AUTS2: variants seen among roughly 807,000 people sequenced by gnomAD.
AUTS2 encodes autism susceptibility gene 2 protein.
Under a neutral mutation model 112.4 loss-of-function variants are expected in AUTS2, and 17 were observed. That is an observed-to-expected ratio of 0.15 (90% CI 0.10 to 0.23). The LOEUF (loss-of-function observed/expected upper bound fraction) is 0.23, where lower values mean the gene tolerates loss of function less well. Ranked by LOEUF, AUTS2 falls within the 10% of genes least tolerant of loss-of-function variation. The probability of loss-of-function intolerance (pLI) is 1.00; values close to 1 mark genes in which losing one functional copy is unlikely to be tolerated. For missense variants in AUTS2, 1,510 were observed against 1,701.6 expected, an observed-to-expected ratio of 0.89 and a Z score of 1.98; for synonymous variants, 751 against 702.7, an observed-to-expected ratio of 1.07 and a Z score of -1.09.
At chr7:70,728,707 CAAAAAAAA>C (rs55878540) in intron 6 of AUTS2, among the ~76,000 whole-genome samples, 2 of 81,626 alleles carry the variant, frequency 2.5e-5, no homozygotes, top group Non-Finnish European at 4.7e-5. Flanking sequence ...GACTCTGTCT[CAAAAAAAA>C]AAAAAAAAAA....
intron 1 of AUTS2, among the ~76,000 whole-genome samples, chr7:69,702,739 T>C (rs1338383714): frequency 6.6e-6 from 1 of 152,120 alleles, no homozygotes; most frequent in Non-Finnish European, 1.5e-5. Flanking sequence ...GAATCTCCAG[T>C]GGGTGCAGTT....
At chr7:70,472,169 C>T (rs1797410063) in intron 5 of AUTS2, among the ~76,000 whole-genome samples, 1 of 152,182 alleles carries the variant, frequency 6.6e-6, no homozygotes, top group Non-Finnish European at 1.5e-5. Flanking sequence ...CTTGGATAGT[C>T]CTAGAGTCCT....
chr7:70,361,328 G>A (rs975542583), intron 4 of AUTS2, among the ~76,000 whole-genome samples: 1 of 150,970 alleles, frequency 6.6e-6, no homozygotes, highest in Admixed American at 6.6e-5. Context: ...GCGAGACTCC[G>A]TCTGAAAAAA....
chr7:70,635,079 A>G (rs1380451563), intron 5 of AUTS2, among the ~76,000 whole-genome samples: 1 of 152,172 alleles, frequency 6.6e-6, no homozygotes, highest in African/African-American at 2.4e-5. Context: ...CAAGAACCAG[A>G]GTACCGAGTG....
At chr7:70,145,594 A>G (rs1178570626) in intron 4 of AUTS2, among the ~76,000 whole-genome samples, 1 of 152,096 alleles carries the variant, frequency 6.6e-6, no homozygotes, top group African/African-American at 2.4e-5. Context: ...AAATGAAAAA[A>G]CTTTCTATTA....
At chr7:70,281,059 T>TAATG (rs962773213) in intron 4 of AUTS2, among the ~76,000 whole-genome samples, 23 of 152,278 alleles carry the variant, frequency 1.5e-4, no homozygotes, top group South Asian at 8.3e-4. Context: ...TGGAAAGTGA[T>TAATG]AATGAATGAA....
chr7:69,734,646 T>G (rs2129236813), intron 1 of AUTS2, among the ~76,000 whole-genome samples: 1 of 12,658 alleles, frequency 7.9e-5, no homozygotes, highest in Middle Eastern at 0.023. Flanking sequence ...GCTTGTTGGG[T>G]TTTTTTTTTC....
intron 1 of AUTS2, among the ~76,000 whole-genome samples, chr7:69,669,490 A>G (rs1335835230): frequency 2.0e-5 from 3 of 152,152 alleles, no homozygotes; most frequent in East Asian, 3.8e-4. Flanking sequence ...GTTTGGCTAT[A>G]TCATATTATT....
chr7:69,890,847 G>T (rs568951288), intron 1 of AUTS2, among the ~76,000 whole-genome samples: 8 of 152,332 alleles, frequency 5.3e-5, no homozygotes, highest in Non-Finnish European at 8.8e-5. Context: ...GCTCCCAGAC[G>T]TGGTCATCCC....
intron 2 of AUTS2, among the ~76,000 whole-genome samples, chr7:69,938,113 T>G (rs965602270): frequency 6.6e-6 from 1 of 152,230 alleles, no homozygotes; most frequent in Non-Finnish European, 1.5e-5. Context: ...AGCCCTTCCT[T>G]GAACTCATGC....
In AUTS2 at chr7:70,389,624, CT is replaced by C. The variant is rs895652091; in HGVS notation, c.661-46118del. Among the ~76,000 whole-genome samples, 70 of 149,588 alleles carry C rather than the reference CT, an allele frequency of 4.7e-4. 1 individual carries two copies. The highest frequency in any genetic ancestry group is 1.1e-3 in the African/African-American group (44 of 40,876). On this transcript the variant is annotated intron_variant, in intron 4 of 18. Coordinates refer to ENST00000342771, the MANE Select transcript of AUTS2 (RefSeq NM_015570.4). ...TCACTGAACTCAGAACCAAATCTGC[CT>C]TTTTTTTTTCTTTATAGAAACATTT...
At chr7:70,426,305 C>G (rs1795436437) in intron 4 of AUTS2, among the ~76,000 whole-genome samples, 1 of 152,174 alleles carries the variant, frequency 6.6e-6, no homozygotes, top group Non-Finnish European at 1.5e-5. Context: ...CCCCGCCTCT[C>G]CCCTGGCTGC....
chr7:69,997,235 G>A (rs1798987790), intron 2 of AUTS2, among the ~76,000 whole-genome samples: 1 of 152,102 alleles, frequency 6.6e-6, no homozygotes, highest in Non-Finnish European at 1.5e-5. Context: ...GAAGTGTGAG[G>A]TAATAATACC....
At chr7:69,789,594 T>C (rs1166608649) in intron 1 of AUTS2, among the ~76,000 whole-genome samples, 2 of 152,214 alleles carry the variant, frequency 1.3e-5, no homozygotes, top group Non-Finnish European at 1.5e-5. Context: ...AAAGTACTTG[T>C]TAAGCAGCAG....
At chr7:70,644,954 C>T (rs112901328) in intron 5 of AUTS2, among the ~76,000 whole-genome samples, 13 of 152,158 alleles carry the variant, frequency 8.5e-5, no homozygotes, top group Admixed American at 3.9e-4. Context: ...ACGCTGGTGG[C>T]TTTACTGTTG....
intron 6 of AUTS2, among the ~76,000 whole-genome samples, chr7:70,718,658 G>A (rs577542129): frequency 2.2e-4 from 33 of 152,136 alleles, no homozygotes; most frequent in African/African-American, 7.0e-4. Context: ...GTAAGACTCC[G>A]TCTCAAAAAC....
At chr7:70,723,698 G>C (rs1030509296) in intron 6 of AUTS2, among the ~76,000 whole-genome samples, 21 of 150,106 alleles carry the variant, frequency 1.4e-4, no homozygotes, top group African/African-American at 4.6e-4. Flanking sequence ...GCGTAGCTCT[G>C]CTCTTATTTA....
intron 4 of AUTS2, among the ~76,000 whole-genome samples, chr7:70,163,653 A>T (rs1339292502): frequency 6.6e-6 from 1 of 152,108 alleles, no homozygotes; most frequent in African/African-American, 2.4e-5. Context: ...ATGATTCTGC[A>T]CTAATGCACT....
chr7:70,187,166 T>C (rs1258539458), intron 4 of AUTS2, among the ~76,000 whole-genome samples: 1 of 152,218 alleles, frequency 6.6e-6, no homozygotes, highest in African/African-American at 2.4e-5. Flanking sequence ...TAAGTGAACT[T>C]GAGAATGTAA....
Sources: gnomAD v4.1 joint callset for allele counts (sites outside exome capture counted in the v4.1 genomes callset) on GRCh38, gnomAD v4.1.1 for gene constraint, MANE v1.5 for transcripts, NCBI Gene and HGNC (gene_info 2026-07-23, HGNC 2026-07-21) for gene names.